The following CCL24 variants were observed in gnomAD, a reference collection of about 807,000 sequenced individuals.
CCL24 encodes the protein C-C motif chemokine ligand 24, also known as C-C motif chemokine 24.
Under a neutral mutation model 8.6 loss-of-function variants are expected in CCL24, and 6 were observed. The observed-to-expected ratio is 0.70, with a 90% CI of 0.38 to 1.38. The LOEUF is 1.38. Among genes scored for constraint, CCL24 ranks in the 40% most tolerant of loss-of-function variants. The pLI is 0.02. For missense variants in CCL24, 126 were observed against 147.1 expected (o/e 0.86, Z 0.74); for synonymous variants, 59 against 52.7 (o/e 1.12, Z -0.52).
At chr7:75,814,490 C>T (rs908080641), upstream of CCL24, among the ~76,000 whole-genome samples, 8 of 152,100 alleles carry the variant, frequency 5.3e-5, no homozygotes, top group African/African-American at 1.2e-4. Context: ...GACTTGAACC[C>T]AGGAGTTCAA....
At chr7:75,816,530 C>G (rs13244483), upstream of CCL24, among the ~76,000 whole-genome samples, 8,819 of 151,572 alleles carry the variant, frequency 0.058, 347 homozygotes, top group South Asian at 0.13. Flanking sequence ...TTTATACATG[C>G]AGAGGTTTTT....
intron 1 of CCL24, 57 bp downstream of exon 1, chr7:75,813,586 C>G: frequency 1.3e-6 from 2 of 1,487,978 alleles, no homozygotes; most frequent in East Asian, 2.3e-5. Context: ...AGTCCTGCAC[C>G]CCCCACTGTG....
chr7:75,821,882 C>T (rs1298951726), intron 1 of CCL24, among the ~76,000 whole-genome samples: 1 of 150,412 alleles, frequency 6.6e-6, no homozygotes, highest in African/African-American at 2.4e-5. Context: ...GAGCCGAGAT[C>T]CCGCCACTGC....
At chr7:75,819,293 AAAAAAAAAAAATATATATATATATAT>A (rs1803968095) in intron 1 of CCL24, among the ~76,000 whole-genome samples, 1 of 18,320 alleles carries the variant, frequency 5.5e-5, no homozygotes, top group African/African-American at 1.5e-4. Context: ...AAAAAAAAAA[AAAAAAAAAAAATATATATATATATAT>A]ATATATATAT....
chr7:75,820,133 C>CCTT, intron 1 of CCL24, among the ~76,000 whole-genome samples: 1 of 78,616 alleles, frequency 1.3e-5, no homozygotes, highest in Non-Finnish European at 2.7e-5. Flanking sequence ...TTCTTCTTCT[C>CCTT]CTCCTCCTCC....
At position 75,811,340 on chromosome 7, in the gene CCL24, G is replaced by A. The variant is rs1416235691; in HGVS notation, c.*456C>T. Among the ~76,000 whole-genome samples, 2 of 151,898 alleles carry A rather than the reference G, an allele frequency of 1.3e-5. No homozygotes were observed. Among genetic ancestry groups the A allele is most frequent in the Admixed American group, 6.6e-5 (1 of 15,242 alleles). On this transcript the variant is annotated 3_prime_UTR_variant, in exon 3 of 3. Coordinates refer to ENST00000222902, the MANE Select transcript of CCL24 (RefSeq NM_002991.3). Reference sequence around the variant, plus strand: ...CTAAAAATACAAAAGTTAGTTGGGTGTGGTGGTACACACCTGTAGTCCCAG... The same window carrying A: ...CTAAAAATACAAAAGTTAGTTGGGTATGGTGGTACACACCTGTAGTCCCAG...
rs868982885 is a variant in CCL24 at position 75,811,895 on chromosome 7, C to T, written c.261G>A (p.Lys87=). The T allele has an allele frequency of 1.2e-5, 20 of 1,611,186 alleles. No homozygotes were observed. Among genetic ancestry groups the T allele is most frequent in the Non-Finnish European group, 1.7e-5 (20 of 1,179,650 alleles). Residue 87 remains lysine (K), a synonymous_variant, in exon 3 of 3, where the codon AAG becomes AAA. Coordinates refer to ENST00000222902, the MANE Select transcript of CCL24 (RefSeq NM_002991.3). ...PKQEWVQRYM[K]NLDAKQKKAS... The stretch of plus-strand genomic sequence containing the variant: ...CCTTCTTCTGCTTGGCGTCCAGGTT[C>T]TTCATGTACCTCTGGACCCACTCCT...
At position 75,811,855 on chromosome 7, in the gene CCL24, T is replaced by C. The variant is rs1585027095; in HGVS notation, c.301A>G (p.Arg101Gly). 6.2e-7 allele frequency: 1 copy of C among 1,613,062 alleles called. No individual in the cohort carries two copies. The highest frequency in any genetic ancestry group is 8.5e-7 in the Non-Finnish European group (1 of 1,179,900). Reference sequence around the variant, plus strand: ...ACAGGGCCCTTGACAGCCACTGCCCTGGCCCTAGGGGAAGCCTTCTTCTGC... The same window carrying C: ...ACAGGGCCCTTGACAGCCACTGCCCCGGCCCTAGGGGAAGCCTTCTTCTGC... The part of the protein sequence containing the change: ...AKQKKASPRA[R>G]AVAVKGPVQR... Residue 101 changes from arginine to glycine, a missense_variant, in exon 3 of 3, where the codon AGG (arginine) becomes GGG (glycine). Arg to Gly is a moderately radical substitution (Grantham distance 125, BLOSUM62 -2). Transcript: ENST00000222902.
chr7:75,820,225 C>T (rs782545495), intron 1 of CCL24, among the ~76,000 whole-genome samples: 5 of 150,290 alleles, frequency 3.3e-5, no homozygotes, highest in Non-Finnish European at 5.9e-5. Flanking sequence ...CTTGCTTTGT[C>T]GTCCAGGCAA....
intron 1 of CCL24, among the ~76,000 whole-genome samples, chr7:75,820,079 CTTCTTCT>C (rs1554534827): frequency 7.1e-6 from 1 of 140,130 alleles, no homozygotes; most frequent in African/African-American, 2.6e-5. Context: ...TCTTCTTCTT[CTTCTTCT>C]TCCTCTTCTT....
intron 2 of CCL24, among the ~76,000 whole-genome samples, chr7:75,812,444 T>C (rs4732416): frequency 0.33 from 49,477 of 151,906 alleles, 8,288 homozygotes; most frequent in South Asian, 0.39. Flanking sequence ...CAGTTACTAC[T>C]TATGAAGCTA....
At chr7:75,814,689 C>T (rs1174316829), upstream of CCL24, among the ~76,000 whole-genome samples, 1 of 151,986 alleles carries the variant, frequency 6.6e-6, no homozygotes, top group Non-Finnish European at 1.5e-5. Context: ...CAGCCATCGC[C>T]TGTACCCTCA....
upstream of CCL24, among the ~76,000 whole-genome samples, chr7:75,818,049 T>C (rs1803930042): frequency 6.9e-6 from 1 of 145,058 alleles, no homozygotes; most frequent in Admixed American, 6.9e-5. Context: ...TGGGCTAGTC[T>C]CAAACTCTTA....
rs1198926134 is a variant in CCL24 at position 75,811,367 on chromosome 7, T to C, written c.*429A>G. ...GGTGGTACACACCTGTAGTCCCAGG[T>C]ACTCGGGAGGCTGAGGCACGAGAAT... On this transcript the variant is annotated 3_prime_UTR_variant, in exon 3 of 3. Transcript: ENST00000222902. Among the ~76,000 whole-genome samples the C allele has an allele frequency of 2.0e-5, 3 of 151,464 alleles. No homozygotes were observed. The highest frequency in any genetic ancestry group is 6.6e-5 in the Admixed American group (1 of 15,196).
At chr7:75,812,000 G>A (rs782647071) in intron 2 of CCL24, 36 bp from the exon 3 acceptor site, 21 of 1,591,580 alleles carry the variant, frequency 1.3e-5, no homozygotes, top group Middle Eastern at 1.7e-4. Context: ...AGCTGAGGTC[G>A]ACAGGGACCT....
chr7:75,820,074 T>TTCC (rs1563353841), intron 1 of CCL24, among the ~76,000 whole-genome samples: 3 of 139,016 alleles, frequency 2.2e-5, no homozygotes, highest in African/African-American at 5.1e-5. Flanking sequence ...CTTCTTCTTC[T>TTCC]TCTTCTTCTT....
upstream of CCL24, among the ~76,000 whole-genome samples, chr7:75,816,203 C>T (rs1803886006): frequency 6.6e-6 from 1 of 152,190 alleles, no homozygotes; most frequent in Admixed American, 6.5e-5. Flanking sequence ...GATGGATCAA[C>T]TCTGAAACAA....
chr7:75,817,953 C>T (rs1222861639), upstream of CCL24, among the ~76,000 whole-genome samples: 2 of 152,040 alleles, frequency 1.3e-5, no homozygotes, highest in African/African-American at 4.8e-5. Flanking sequence ...GCCTCAGCCT[C>T]CCGAGTAGCT....
intron 1 of CCL24, among the ~76,000 whole-genome samples, chr7:75,821,984 C>T (rs1554535158): frequency 6.6e-6 from 1 of 151,674 alleles, no homozygotes; most frequent in African/African-American, 2.4e-5. Context: ...AGCCTGTAAT[C>T]CCAGCTACTC....
Sources: allele counts gnomAD v4.1 joint callset (sites outside exome capture counted in the v4.1 genomes callset), GRCh38; gene constraint gnomAD v4.1.1; transcripts MANE v1.5; gene names NCBI Gene and HGNC (gene_info 2026-07-23, HGNC 2026-07-21).